The following CDC42BPB variants were observed in gnomAD, a reference collection of about 807,000 sequenced individuals.
The protein encoded by CDC42BPB is CDC42 binding protein kinase beta.
CDC42BPB carries 37 observed loss-of-function variants against 214.9 expected under a neutral mutation model. The ratio of observed to expected loss-of-function variants is 0.17; its 90% confidence interval spans 0.13 to 0.23. The LOEUF is 0.23. Ranked by LOEUF, CDC42BPB falls within the 10% of genes least tolerant of loss-of-function variation. The probability of loss-of-function intolerance (pLI) is 1.00; values close to 1 mark genes in which losing one functional copy is unlikely to be tolerated. For missense variants in CDC42BPB, 1,694 were observed against 2,227.0 expected (o/e 0.76, Z 4.82); for synonymous variants, 931 against 884.0 (o/e 1.05, Z -0.94).
intron 1 of CDC42BPB, among the ~76,000 whole-genome samples, chr14:103,027,758 A>G (rs1024221848): frequency 6.6e-6 from 1 of 152,244 alleles, no homozygotes; most frequent in Non-Finnish European, 1.5e-5. Flanking sequence ...GCTCAGGGGC[A>G]ATGAAAATGC....
intron 1 of CDC42BPB, among the ~76,000 whole-genome samples, chr14:103,055,392 C>T (rs371474815): frequency 3.3e-5 from 5 of 152,314 alleles, no homozygotes; most frequent in African/African-American, 1.2e-4. Flanking sequence ...CACTGCACTC[C>T]AGCCTAGGCA....
chr14:102,976,786 G>A (rs1292808798), intron 9 of CDC42BPB, among the ~76,000 whole-genome samples: 2 of 152,248 alleles, frequency 1.3e-5, no homozygotes, highest in African/African-American at 2.4e-5. Context: ...CTCCAGCCCT[G>A]CGGGATCTGT....
rs944770436 is a variant in CDC42BPB, at chr14:102,978,316, C to T, written c.1141-111G>A. 11 of 1,535,000 alleles carry T rather than the reference C, an allele frequency of 7.2e-6. No homozygotes were observed. In the African/African-American group the frequency reaches 1.5e-4, roughly 21 times the overall value. ...AGGAGGCACTGGGCAGAACATGTGG[C>T]CTTGGAGAATGCGGATTCCATGGTG... On this transcript the variant is annotated intron_variant, in intron 8 of 36. Transcript: ENST00000361246.
In CDC42BPB at chr14:102,968,727, A is replaced by C; in HGVS notation, c.1996-11T>G. 6.2e-7 allele frequency: 1 copy of C among 1,612,876 alleles called. No individual in the cohort carries two copies. The highest frequency in any genetic ancestry group is 8.5e-7 in the Non-Finnish European group (1 of 1,179,820). Reference sequence around the variant, plus strand: ...GCCTCCTTGCTTCACCTGAAGACAAAGGTTAACATAAATTGACAAACCTCT... The same window carrying C: ...GCCTCCTTGCTTCACCTGAAGACAACGGTTAACATAAATTGACAAACCTCT... On this transcript the variant is annotated splice_polypyrimidine_tract_variant and intron_variant, in intron 14 of 36. Coordinates refer to ENST00000361246, the MANE Select transcript of CDC42BPB (RefSeq NM_006035.4).
intron 5 of CDC42BPB, among the ~76,000 whole-genome samples, chr14:102,999,281 G>C (rs1169608990): frequency 2.6e-5 from 4 of 152,058 alleles, no homozygotes; most frequent in Admixed American, 2.6e-4. Context: ...TTTAGGGAGG[G>C]GGTCTCAGAC....
chr14:103,015,674 A>C (rs1037385241), intron 1 of CDC42BPB, among the ~76,000 whole-genome samples: 1 of 152,146 alleles, frequency 6.6e-6, no homozygotes, highest in Non-Finnish European at 1.5e-5. Flanking sequence ...CAAATGCAGG[A>C]AGCACCTTCT....
chr14:103,035,107 A>T (rs1595174367), intron 1 of CDC42BPB, among the ~76,000 whole-genome samples: 2 of 150,834 alleles, frequency 1.3e-5, no homozygotes, highest in South Asian at 4.2e-4. Flanking sequence ...CCCAGGCTGG[A>T]GTGCAAGTGG....
At chr14:102,997,376 C>T (rs530291258) in intron 5 of CDC42BPB, among the ~76,000 whole-genome samples, 1 of 152,174 alleles carries the variant, frequency 6.6e-6, no homozygotes, top group Non-Finnish European at 1.5e-5. Flanking sequence ...CATATACCCC[C>T]CTTCCAGCCA....
intron 30 of CDC42BPB, among the ~76,000 whole-genome samples, chr14:102,942,435 T>G (rs890873587): frequency 3.3e-5 from 5 of 152,242 alleles, no homozygotes; most frequent in African/African-American, 1.2e-4. Context: ...CCCCAACTCT[T>G]GGCCTGTTAC....
chr14:102,952,737 G>T, intron 23 of CDC42BPB, 134 bp from the exon 24 acceptor site: 1 of 1,463,338 alleles, frequency 6.8e-7, no homozygotes, highest in South Asian at 1.4e-5. Context: ...TCTGGTCTTG[G>T]TCTACGTGTT....
chr14:102,987,513 T>G lies in CDC42BPB; in HGVS notation c.597-933A>C, dbSNP rs35260030. The stretch of plus-strand genomic sequence containing the variant: ...ATCTAAATCTCTGCCTCCAAGAGAA[T>G]GGGTGAGTAAGCTGGGCTATACTCG... On this transcript the variant is annotated intron_variant, in intron 5 of 36. Transcript: ENST00000361246. 3.1e-3 allele frequency among the ~76,000 whole-genome samples: 467 copies of G among 152,270 alleles called. 2 individuals carry two copies. The highest frequency in any genetic ancestry group is 9.8e-3 in the African/African-American group (408 of 41,556).
Position 102,978,167 on chromosome 14 carries a change from T to C in CDC42BPB, c.1179A>G (p.Gly393=). 1 of 1,613,868 alleles carries C rather than the reference T, an allele frequency of 6.2e-7. No homozygotes were observed. The highest frequency in any genetic ancestry group is 8.5e-7 in the Non-Finnish European group (1 of 1,179,804). The change falls in exon 9 of 37, where the codon GGA becomes GGG. Residue 393 remains glycine (G), a synonymous_variant. Coordinates refer to ENST00000361246, the MANE Select transcript of CDC42BPB (RefSeq NM_006035.4). ...TAAAACCAATGAATGGCAAATGTAATCCAGAAAAGCCTGTGTGAGAACCAG... is the reference window on the plus strand; with the variant it reads ...TAAAACCAATGAATGGCAAATGTAACCCAGAAAAGCCTGTGTGAGAACCAG... ...LPPGSHTGFS[G]LHLPFIGFTF...
intron 34 of CDC42BPB, among the ~76,000 whole-genome samples, chr14:102,939,179 TCC>T (rs1891776796): frequency 6.6e-6 from 1 of 152,000 alleles, no homozygotes; most frequent in Non-Finnish European, 1.5e-5. Flanking sequence ...GACCTCGTGA[TCC>T]GCCCGCCTCG....
At chr14:102,959,122 C>T (rs1892842039) in intron 21 of CDC42BPB, among the ~76,000 whole-genome samples, 1 of 151,692 alleles carries the variant, frequency 6.6e-6, no homozygotes, top group Non-Finnish European at 1.5e-5. Flanking sequence ...TATGGTGAAA[C>T]CCTGTCTCTA....
chr14:103,029,221 G>A (rs1887212246), intron 1 of CDC42BPB, among the ~76,000 whole-genome samples: 1 of 152,150 alleles, frequency 6.6e-6, no homozygotes, highest in Non-Finnish European at 1.5e-5. Context: ...CTAATTATAT[G>A]AAACTTCTAG....
chr14:103,009,255 G>C (rs1000212521), intron 2 of CDC42BPB, among the ~76,000 whole-genome samples: 6 of 152,224 alleles, frequency 3.9e-5, no homozygotes, highest in Non-Finnish European at 7.3e-5. Context: ...CTACCTGCCT[G>C]TTTCTAACAT....
chr14:102,964,769 A>T, intron 18 of CDC42BPB, 119 bp from the exon 19 acceptor site: 2 of 1,342,310 alleles, frequency 1.5e-6, no homozygotes, highest in South Asian at 2.1e-5. Context: ...TTAGATATTA[A>T]CTCTAAATTA....
chr14:102,946,396 A>T, intron 28 of CDC42BPB, 72 bp downstream of exon 28: 1 of 1,513,296 alleles, frequency 6.6e-7, no homozygotes, highest in Non-Finnish European at 9.1e-7. Flanking sequence ...TCTGATTTTC[A>T]GATGGGCACT....
At chr14:103,041,673 G>A (rs1057323712) in intron 1 of CDC42BPB, 6 of 566,388 alleles carry the variant, frequency 1.1e-5, no homozygotes, top group African/African-American at 7.6e-5. Context: ...ACACCAAGGT[G>A]CGCACCGGCC....
Sources: allele counts gnomAD v4.1 joint callset (sites outside exome capture counted in the v4.1 genomes callset), GRCh38; gene constraint gnomAD v4.1.1; transcripts MANE v1.5; gene names NCBI Gene and HGNC (gene_info 2026-07-23, HGNC 2026-07-21).